Variants in NEDD4L observed in about 807,000 individuals in gnomAD.
The protein encoded by NEDD4L is E3 ubiquitin-protein ligase NEDD4-like.
NEDD4L carries 54 observed loss-of-function variants against 148.9 expected under a neutral mutation model. That is an observed-to-expected ratio of 0.36 (90% CI 0.29 to 0.45). The LOEUF is 0.45. NEDD4L is among the 20% of genes least tolerant of loss of function. NEDD4L has a pLI of 1.00. For synonymous variants in NEDD4L, 433 were observed against 440.7 expected (o/e 0.98, Z 0.22); for missense variants, 856 against 1,233.8 (o/e 0.69, Z 4.59).
At chr18:58,134,358 CTTTTTTTTTTTTTTTTTTTTT>C (rs926932340) in intron 1 of NEDD4L, among the ~76,000 whole-genome samples, 1 of 11,948 alleles carries the variant, frequency 8.4e-5, no homozygotes, top group Non-Finnish European at 1.3e-4. Flanking sequence ...AATTCCATTT[CTTTTTTTTTTTTTTTTTTTTT>C]TTTTTTTTTT....
In NEDD4L at chr18:58,256,777, A is replaced by G. The variant is rs1184205879; in HGVS notation, c.297+4723A>G. The G allele has an allele frequency of 2.4e-6, 3 of 1,231,774 alleles. No homozygotes were observed. Among genetic ancestry groups the G allele is most frequent in the Non-Finnish European group, 3.0e-6 (3 of 987,966 alleles). 76.3% of individuals were successfully genotyped at this position (1,231,774 alleles called of 1,614,324 possible). A position where few individuals can be genotyped will look rare whatever the true frequency, so the allele number is the denominator to read the frequency against. ...TTTCCACGGGAGCTGACACCACGGTAAGTTCACAGCGTGTTTACATGTGTT... is the reference window on the plus strand; with the variant it reads ...TTTCCACGGGAGCTGACACCACGGTGAGTTCACAGCGTGTTTACATGTGTT... On this transcript the variant is annotated intron_variant, in intron 5 of 30. Transcript: ENST00000400345. This position sits in a 1 kb window ranked among gnomAD's most constrained non-coding sequence, Gnocchi z 5.2.
intron 2 of NEDD4L, among the ~76,000 whole-genome samples, chr18:58,205,412 A>G (rs1273136848): frequency 2.0e-5 from 3 of 152,238 alleles, no homozygotes; most frequent in East Asian, 1.9e-4. Flanking sequence ...TTATATATAG[A>G]AGAAATGTTT....
intron 2 of NEDD4L, among the ~76,000 whole-genome samples, chr18:58,166,850 G>C (rs7244907): frequency 0.026 from 4,026 of 152,176 alleles, 157 homozygotes; most frequent in African/African-American, 0.093. Context: ...CAGTGCCCCT[G>C]CCTGACACTG....
intron 1 of NEDD4L, among the ~76,000 whole-genome samples, chr18:58,153,357 A>T (rs189321092): frequency 1.6e-4 from 22 of 136,560 alleles, no homozygotes; most frequent in African/African-American, 4.8e-4. Flanking sequence ...TTTTTTTTTT[A>T]AAGACAGAGT....
intron 1 of NEDD4L, among the ~76,000 whole-genome samples, chr18:58,164,488 C>T (rs1447916637): frequency 6.6e-6 from 1 of 152,162 alleles, no homozygotes; most frequent in Non-Finnish European, 1.5e-5. Flanking sequence ...TGCACAGGGA[C>T]ACTGACATTA....
chr18:58,337,517 G>A (rs1234326737), intron 13 of NEDD4L, among the ~76,000 whole-genome samples: 1 of 152,084 alleles, frequency 6.6e-6, no homozygotes, highest in Non-Finnish European at 1.5e-5. Context: ...CACTGCCCCT[G>A]TGCTCTCACA....
intron 1 of NEDD4L, among the ~76,000 whole-genome samples, chr18:58,063,167 T>C (rs2082419836): frequency 6.9e-6 from 1 of 145,374 alleles, no homozygotes; most frequent in Non-Finnish European, 1.5e-5. Flanking sequence ...TACCACAGCC[T>C]CCCAAGCAGC....
At chr18:58,153,653 GT>G (rs140940918) in intron 1 of NEDD4L, among the ~76,000 whole-genome samples, 25 of 146,038 alleles carry the variant, frequency 1.7e-4, no homozygotes, top group African/African-American at 3.5e-4. Context: ...TTTGCGAAAC[GT>G]TTTTTTTTTT....
intron 30 of NEDD4L, among the ~76,000 whole-genome samples, chr18:58,395,554 G>A (rs1190747890): frequency 6.6e-6 from 1 of 151,356 alleles, no homozygotes; most frequent in Non-Finnish European, 1.5e-5. Flanking sequence ...CATAGCAAAT[G>A]TCAATTTTGC....
intron 2 of NEDD4L, among the ~76,000 whole-genome samples, chr18:58,216,193 G>A (rs2043142234): frequency 6.6e-6 from 1 of 152,130 alleles, no homozygotes; most frequent in African/African-American, 2.4e-5. Flanking sequence ...AGATTTGGGG[G>A]AGGAGTGTTC....
chr18:58,271,662 G>A lies in NEDD4L; in HGVS notation c.297+19608G>A, dbSNP rs73437213. On this transcript the variant is annotated intron_variant, in intron 5 of 30. Coordinates refer to ENST00000400345, the MANE Select transcript of NEDD4L (RefSeq NM_001144967.3). Reference sequence around the variant, plus strand: ...AACGAAAACCAAATTATAAACCAAGGTGTATGGTTGATTGTGGGTTAAGAA... The same window carrying A: ...AACGAAAACCAAATTATAAACCAAGATGTATGGTTGATTGTGGGTTAAGAA... Among the ~76,000 whole-genome samples, 1,182 of 152,266 alleles carry A rather than the reference G, an allele frequency of 7.8e-3. 13 individuals are homozygous for A. Among genetic ancestry groups the A allele is most frequent in the African/African-American group, 0.026 (1,084 of 41,556 alleles).
chr18:58,049,288 A>G (rs892059065), intron 1 of NEDD4L, among the ~76,000 whole-genome samples: 2 of 152,264 alleles, frequency 1.3e-5, no homozygotes, highest in East Asian at 1.9e-4. Flanking sequence ...GGCCTAGATC[A>G]TAGCCAACTG....
At chr18:58,193,875 C>G (rs1029564830) in intron 2 of NEDD4L, 1 of 152,304 alleles carries the variant, frequency 6.6e-6, no homozygotes, top group African/African-American at 2.4e-5. Context: ...TGGGTCTTCT[C>G]CTGGCCTCTT....
chr18:58,235,753 G>C (rs922079527), intron 2 of NEDD4L, among the ~76,000 whole-genome samples: 4 of 152,042 alleles, frequency 2.6e-5, no homozygotes, highest in East Asian at 1.9e-4. Context: ...CCCCATACTT[G>C]TTTTCCAGTA....
At chr18:58,322,595 C>G in intron 7 of NEDD4L, 109 bp downstream of exon 7, 1 of 461,996 alleles carries the variant, frequency 2.2e-6, no homozygotes, top group Non-Finnish European at 4.0e-6. Flanking sequence ...GGGATGTCTG[C>G]CTTGCTTGCT....
intron 2 of NEDD4L, among the ~76,000 whole-genome samples, chr18:58,241,816 T>A: frequency 6.6e-6 from 1 of 152,058 alleles, no homozygotes; most frequent in Middle Eastern, 3.2e-3. Context: ...CAGTTTACTA[T>A]CTCCTTGGAA....
Position 58,335,466 on chromosome 18 carries a change from TATC to T in NEDD4L, c.1066-9_1066-7del. 1 of 1,610,300 alleles carries T rather than the reference TATC, an allele frequency of 6.2e-7. No individual in the cohort carries two copies. The highest frequency in any genetic ancestry group is 8.5e-7 in the Non-Finnish European group (1 of 1,176,606). ...CTAAGTGCATTTCACTGATGTAAAT[TATC>T]ATTCACAGCCCAGTGCCCCAGCTGG... On this transcript the variant is annotated splice_polypyrimidine_tract_variant and intron_variant, in intron 12 of 30. Transcript: ENST00000400345.
intron 2 of NEDD4L, among the ~76,000 whole-genome samples, chr18:58,224,832 T>A (rs1248499582): frequency 6.6e-6 from 1 of 152,224 alleles, no homozygotes; most frequent in Non-Finnish European, 1.5e-5. Flanking sequence ...TTAAGTCAGA[T>A]TGTTCTTTTC....
At chr18:58,118,636 G>T (rs1306025020) in intron 1 of NEDD4L, among the ~76,000 whole-genome samples, 4 of 152,278 alleles carry the variant, frequency 2.6e-5, no homozygotes, top group Middle Eastern at 3.4e-3. Flanking sequence ...GTCTGTGTGT[G>T]TGTGGCGGGG....
Sources: gnomAD v4.1 joint callset for allele counts (sites outside exome capture counted in the v4.1 genomes callset) on GRCh38, gnomAD v4.1.1 for gene constraint, Gnocchi (gnomAD v3.1) non-coding constraint, MANE v1.5 for transcripts, NCBI Gene and HGNC (gene_info 2026-07-23, HGNC 2026-07-21) for gene names.